USP49: variants seen among roughly 807,000 people sequenced by gnomAD.
USP49 encodes the protein ubiquitin carboxyl-terminal hydrolase 49.
A neutral mutation model predicts 58.6 loss-of-function variants in USP49; 24 were observed. The observed-to-expected ratio is 0.41, with a 90% CI of 0.30 to 0.58. The LOEUF (loss-of-function observed/expected upper bound fraction) is 0.58. USP49 is among the 20% of genes least tolerant of loss of function. USP49 has a pLI of 0.30. For synonymous variants in USP49, 408 were observed against 365.1 expected (o/e 1.12, Z -1.34); for missense variants, 703 against 866.1 (o/e 0.81, Z 2.36).
At position 41,895,353 on chromosome 6, in the gene USP49, C is replaced by G. The variant is rs1015065477; in HGVS notation, c.-214G>C. The G allele has an allele frequency of 2.6e-5, 4 of 151,088 alleles. No individual in the cohort carries two copies. The highest frequency in any genetic ancestry group is 4.4e-5 in the Non-Finnish European group (3 of 67,606). The allele number at this position is 151,088 out of a possible 1,614,324, so 9.4% of individuals were successfully genotyped here. ...ATCATCAGCACGCGCGAGCTGTCAC[C>G]AGGGCGCGAGACAACCGAACACGGC... On this transcript the variant is annotated 5_prime_UTR_variant, in exon 1 of 8. Coordinates refer to ENST00000682992, the MANE Select transcript of USP49 (RefSeq NM_001286554.2).
intron 3 of USP49, among the ~76,000 whole-genome samples, chr6:41,847,454 C>T (rs9471676): frequency 0.18 from 27,973 of 152,162 alleles, 3,147 homozygotes; most frequent in East Asian, 0.29. Flanking sequence ...CAGTGGCTCA[C>T]ACCTGTAATC....
chr6:41,893,086 T>A (rs1334017131), intron 1 of USP49, among the ~76,000 whole-genome samples: 4 of 152,216 alleles, frequency 2.6e-5, no homozygotes, highest in Non-Finnish European at 5.9e-5. Context: ...CGAAAGGCAG[T>A]GGAGCTGTCC....
intron 3 of USP49, among the ~76,000 whole-genome samples, chr6:41,854,931 C>T (rs927780230): frequency 6.6e-6 from 1 of 151,956 alleles, no homozygotes; most frequent in Admixed American, 6.6e-5. Context: ...TACTAACATG[C>T]CTGGCTAATT....
intron 2 of USP49, chr6:41,886,646 C>G (rs1387603083): frequency 6.6e-6 from 1 of 152,242 alleles, no homozygotes; most frequent in Non-Finnish European, 1.5e-5. Flanking sequence ...CCTGTAATCC[C>G]AACACTTTGG....
Position 41,799,944 on chromosome 6 carries a change from TG to T in USP49, c.1562-7del. ...ATTGGATTTTCGTCGTTTGCCTATG[TG>T]GTTTGGGAAGGTATAAGACATAGGT... On this transcript the variant is annotated splice_polypyrimidine_tract_variant and splice_region_variant and intron_variant, in intron 5 of 7. Transcript: ENST00000682992. 1 of 1,613,784 alleles carries T rather than the reference TG, an allele frequency of 6.2e-7. No homozygotes were observed. Among genetic ancestry groups the T allele is most frequent in the Non-Finnish European group, 8.5e-7 (1 of 1,179,674 alleles).
chr6:41,817,498 C>T (rs1448631478), intron 3 of USP49, among the ~76,000 whole-genome samples: 11 of 134,970 alleles, frequency 8.1e-5, no homozygotes, highest in African/African-American at 2.8e-4. Flanking sequence ...CTTGCTCTGT[C>T]GCCCAGGCTG....
intron 3 of USP49, among the ~76,000 whole-genome samples, chr6:41,832,352 A>C (rs1171857749): frequency 6.6e-6 from 1 of 152,238 alleles, no homozygotes; most frequent in Non-Finnish European, 1.5e-5. Context: ...TTTACAGGGC[A>C]CTATGTAAGA....
At chr6:41,802,381 ATTTAT>A (rs139113547) in intron 5 of USP49, among the ~76,000 whole-genome samples, 12,046 of 99,750 alleles carry the variant, frequency 0.12, 1,080 homozygotes, top group East Asian at 0.19. Flanking sequence ...GTTTCCCACA[ATTTAT>A]TTTATTTTAT....
At position 41,806,275 on chromosome 6, in the gene USP49, C is replaced by T. The variant is rs368499179; in HGVS notation, c.709G>A (p.Ala237Thr). Residue 237 changes from alanine (A) to threonine (T), a missense_variant, in exon 4 of 8, where the codon GCC becomes ACC. Physicochemically the swap from Ala to Thr is moderately conservative, Grantham distance 58. Coordinates refer to ENST00000682992, the MANE Select transcript of USP49 (RefSeq NM_001286554.2). This position sits in a 1 kb window ranked among gnomAD's most constrained non-coding sequence, Gnocchi z 5.9. ...TGGCGACGCAGCTTGAGTGTGGCGG[C>T]GGGCACTCTGCGTGAGGTAGGGAGG... is the stretch of plus-strand genomic sequence containing the variant. Reference protein sequence around the residue: ...AALPTSRRVPAATLKLRRQPA... With the variant: ...AALPTSRRVPTATLKLRRQPA... 5.6e-6 allele frequency: 9 copies of T among 1,603,596 alleles called. No individual in the cohort carries two copies. The highest frequency in any genetic ancestry group is 4.0e-5 in the African/African-American group (3 of 74,894).
At chr6:41,887,793 AAGAC>A (rs1383921605) in intron 2 of USP49, among the ~76,000 whole-genome samples, 2 of 152,292 alleles carry the variant, frequency 1.3e-5, no homozygotes, top group East Asian at 1.9e-4. Context: ...AGCTCAATAA[AAGAC>A]AGAGAGAAAA....
chr6:41,822,676 T>C (rs961254606), intron 3 of USP49, among the ~76,000 whole-genome samples: 2 of 152,064 alleles, frequency 1.3e-5, no homozygotes, highest in African/African-American at 2.4e-5. Context: ...TAAAACCCCA[T>C]CTCTACTAAA....
chr6:41,849,248 G>T (rs1264464992), intron 3 of USP49, among the ~76,000 whole-genome samples: 1 of 152,094 alleles, frequency 6.6e-6, no homozygotes, highest in African/African-American at 2.4e-5. Flanking sequence ...AAACCAGGAA[G>T]ATATACAATA....
At chr6:41,838,931 C>G (rs967663833) in intron 3 of USP49, among the ~76,000 whole-genome samples, 1 of 152,034 alleles carries the variant, frequency 6.6e-6, no homozygotes, top group Non-Finnish European at 1.5e-5. Flanking sequence ...AAGGAACGCT[C>G]GAAACTATGG....
intron 7 of USP49, chr6:41,798,277 TTTTTA>T (rs1345625865): frequency 5.7e-6 from 1 of 176,560 alleles, no homozygotes; most frequent in African/African-American, 2.4e-5. Context: ...TTCATAATTC[TTTTTA>T]TTTTTTTTGA....
intron 3 of USP49, among the ~76,000 whole-genome samples, chr6:41,862,383 T>G (rs1330057075): frequency 6.6e-6 from 1 of 152,248 alleles, no homozygotes; most frequent in African/African-American, 2.4e-5. Flanking sequence ...AAATAATATA[T>G]ACATATATTT....
At chr6:41,881,318 A>AAAAAAAAAAAAAAAAAC (rs1774604445) in intron 2 of USP49, among the ~76,000 whole-genome samples, 1 of 136,354 alleles carries the variant, frequency 7.3e-6, no homozygotes, top group Non-Finnish European at 1.6e-5. Flanking sequence ...AAAAAAAAAA[A>AAAAAAAAAAAAAAAAAC]AGCCCAGCTA....
intron 3 of USP49, among the ~76,000 whole-genome samples, chr6:41,823,106 G>A (rs1343001460): frequency 6.6e-6 from 1 of 152,090 alleles, no homozygotes; most frequent in Admixed American, 6.5e-5. Context: ...AAGCAAAGAG[G>A]CAGAACAATG....
chr6:41,843,109 A>AAGTGATTCTCCTGCCTC (rs1349524470), intron 3 of USP49, among the ~76,000 whole-genome samples: 12 of 152,156 alleles, frequency 7.9e-5, no homozygotes, highest in Admixed American at 7.9e-4. Flanking sequence ...TCTTGGGTTC[A>AAGTGATTCTCCTGCCTC]AGTGATTCTC....
At position 41,793,252 on chromosome 6, in the gene USP49, T is replaced by TG. The variant is rs1002351289; in HGVS notation, c.*3280_*3281insC. 2.9e-3 allele frequency: 446 copies of TG among 154,436 alleles called. 2 individuals are homozygous for TG. The East Asian group carries it at 0.032, about 11-fold the overall frequency. 9.6% of individuals were successfully genotyped at this position (154,436 alleles called of 1,614,324 possible). On this transcript the variant is annotated 3_prime_UTR_variant, in exon 8 of 8. Coordinates refer to ENST00000682992, the MANE Select transcript of USP49 (RefSeq NM_001286554.2). Reference sequence around the variant, plus strand: ...GAGACATCTGGAAATTCTTTTTTTTTTTTTGTTTTTGTTTTTGTTTTTTTT... The same window carrying TG: ...GAGACATCTGGAAATTCTTTTTTTTTGTTTTGTTTTTGTTTTTGTTTTTTTT...
Sources: gnomAD v4.1 joint callset for allele counts (sites outside exome capture counted in the v4.1 genomes callset) on GRCh38, gnomAD v4.1.1 for gene constraint, Gnocchi (gnomAD v3.1) non-coding constraint, MANE v1.5 for transcripts, NCBI Gene and HGNC (gene_info 2026-07-23, HGNC 2026-07-21) for gene names.